EMCN: variants seen among roughly 807,000 people sequenced by gnomAD.
EMCN encodes endomucin, also known as MUC-14.
A neutral mutation model predicts 38.4 loss-of-function variants in EMCN; 37 were observed. The ratio of observed to expected loss-of-function variants is 0.96; its 90% CI spans 0.74 to 1.27. EMCN has a LOEUF of 1.27. Ranked by LOEUF, EMCN falls within the 50% of genes most tolerant of loss-of-function variation. The pLI is 0.00. For missense variants in EMCN, 318 were observed against 302.8 expected, an observed-to-expected ratio of 1.05 and a Z score of -0.37; for synonymous variants, 95 against 100.8, an observed-to-expected ratio of 0.94 and a Z score of 0.35.
At chr4:100,484,171 A>T (rs1728882058) in intron 1 of EMCN, among the ~76,000 whole-genome samples, 1 of 152,130 alleles carries the variant, frequency 6.6e-6, no homozygotes, top group South Asian at 2.1e-4. Context: ...ATTTTTGCTG[A>T]GGTCTTTCCA....
intron 6 of EMCN, 109 bp from the exon 7 acceptor site, chr4:100,423,189 G>T: frequency 7.5e-7 from 1 of 1,331,530 alleles, no homozygotes; most frequent in Non-Finnish European, 1.1e-6. Flanking sequence ...GTATGATGCT[G>T]CAAGTGCAAA....
intron 3 of EMCN, among the ~76,000 whole-genome samples, chr4:100,467,554 C>T (rs1169402427): frequency 4.0e-5 from 6 of 151,534 alleles, no homozygotes; most frequent in Non-Finnish European, 4.4e-5. Flanking sequence ...TGGTGGTGGG[C>T]GCCTGTAGTC....
chr4:100,473,964 C>T (rs1728565603), intron 3 of EMCN: 1 of 152,818 alleles, frequency 6.5e-6, no homozygotes, highest in Non-Finnish European at 1.5e-5. Flanking sequence ...AAGCACTTCC[C>T]AAAGCCAAAC....
At chr4:100,436,266 C>T (rs933848080) in intron 5 of EMCN, among the ~76,000 whole-genome samples, 9 of 151,966 alleles carry the variant, frequency 5.9e-5, no homozygotes, top group African/African-American at 2.2e-4. Context: ...TGAAAAAAAG[C>T]TCATCATTGA....
intron 5 of EMCN, among the ~76,000 whole-genome samples, chr4:100,433,772 G>A (rs902527709): frequency 4.6e-5 from 7 of 152,014 alleles, no homozygotes; most frequent in Non-Finnish European, 1.0e-4. Flanking sequence ...CTGACCTCAG[G>A]TGATCCTCCT....
At chr4:100,442,126 T>C (rs1395480040) in intron 5 of EMCN, among the ~76,000 whole-genome samples, 1 of 152,226 alleles carries the variant, frequency 6.6e-6, no homozygotes, top group East Asian at 1.9e-4. Context: ...GGAACAATTT[T>C]ATTTCCCCAT....
At chr4:100,496,647 T>C (rs1729215273) in intron 1 of EMCN, among the ~76,000 whole-genome samples, 2 of 152,212 alleles carry the variant, frequency 1.3e-5, no homozygotes, top group African/African-American at 4.8e-5. Context: ...TCATTAACTA[T>C]GATGGTTTCA....
chr4:100,433,553 T>A (rs1282266157), intron 5 of EMCN, among the ~76,000 whole-genome samples: 1 of 151,950 alleles, frequency 6.6e-6, no homozygotes, highest in African/African-American at 2.4e-5. Context: ...CTTTTTTTTT[T>A]ATTTGACAGT....
intron 11 of EMCN, among the ~76,000 whole-genome samples, chr4:100,403,176 C>T (rs1726304008): frequency 6.6e-6 from 1 of 152,082 alleles, no homozygotes; most frequent in African/African-American, 2.4e-5. Context: ...ATTTTATCAT[C>T]CATGTAATTG....
chr4:100,397,197 A>T lies in EMCN; in HGVS notation c.*1216T>A, dbSNP rs1168785887. 1 of 152,152 alleles carries T rather than the reference A, an allele frequency of 6.6e-6. No individual in the cohort carries two copies. The highest frequency in any genetic ancestry group is 2.4e-5 in the African/African-American group (1 of 41,454). 9.4% of individuals were successfully genotyped at this position (152,152 alleles called of 1,614,324 possible). On this transcript the variant is annotated 3_prime_UTR_variant, in exon 12 of 12. Coordinates refer to ENST00000296420, the MANE Select transcript of EMCN (RefSeq NM_016242.4). Reference sequence around the variant, plus strand: ...AGATCACTAAGATAATTTAGCATCAAAATCAGCTTAGATAATCATACGTTA... The same window carrying T: ...AGATCACTAAGATAATTTAGCATCATAATCAGCTTAGATAATCATACGTTA...
chr4:100,429,028 G>A (rs1727128455), intron 5 of EMCN, among the ~76,000 whole-genome samples: 1 of 152,096 alleles, frequency 6.6e-6, no homozygotes, highest in South Asian at 2.1e-4. Flanking sequence ...AACTTGAGGA[G>A]CTTAAGCAAT....
chr4:100,478,952 C>A (rs886096169), intron 2 of EMCN, among the ~76,000 whole-genome samples: 1 of 151,948 alleles, frequency 6.6e-6, no homozygotes, highest in Non-Finnish European at 1.5e-5. Context: ...CTATGGAGGG[C>A]CCCAAGTAGT....
chr4:100,496,346 T>G (rs1729206578), intron 1 of EMCN, among the ~76,000 whole-genome samples: 1 of 152,196 alleles, frequency 6.6e-6, no homozygotes, highest in African/African-American at 2.4e-5. Context: ...TTAGCAGCCT[T>G]CTAGGGAGAA....
intron 4 of EMCN, among the ~76,000 whole-genome samples, chr4:100,454,186 AT>A (rs1040867191): frequency 3.3e-5 from 5 of 150,894 alleles, no homozygotes; most frequent in African/African-American, 1.2e-4. Context: ...TAATAAAAAA[AT>A]TAAAAAAATA....
At chr4:100,406,072 G>A (rs1449746001) in intron 11 of EMCN, among the ~76,000 whole-genome samples, 3 of 151,930 alleles carry the variant, frequency 2.0e-5, no homozygotes, top group Admixed American at 2.0e-4. Context: ...TATTTCTGTG[G>A]AGTCAGTGGT....
chr4:100,424,112 A>G (rs1423772447), intron 5 of EMCN, among the ~76,000 whole-genome samples: 2 of 152,150 alleles, frequency 1.3e-5, no homozygotes, highest in Admixed American at 1.3e-4. Context: ...CAAAAATTAT[A>G]AGTAAAAATC....
In EMCN at chr4:100,465,299, G is replaced by A. The variant is rs984146248; in HGVS notation, c.376+124C>T. On this transcript the variant is annotated intron_variant, in intron 4 of 11. Coordinates refer to ENST00000296420, the MANE Select transcript of EMCN (RefSeq NM_016242.4). ...GGCTGCCAAATGATTGTTCTATTGG[G>A]TAGAGATTAAGAGACAATTTAAGCA... The A allele has an allele frequency of 7.0e-6, 4 of 571,330 alleles. No individual in the cohort carries two copies. In the South Asian group the frequency reaches 1.1e-4, roughly 16 times the overall value. 35.4% of individuals were successfully genotyped at this position (571,330 alleles called of 1,614,324 possible). A position where few individuals can be genotyped will look rare whatever the true frequency, so the allele number is the denominator to read the frequency against.
intron 3 of EMCN, among the ~76,000 whole-genome samples, chr4:100,468,328 GA>G (rs1370567065): frequency 3.3e-5 from 5 of 152,074 alleles, no homozygotes; most frequent in African/African-American, 1.2e-4. Flanking sequence ...ATATTTTGAG[GA>G]ATTAAGTTTA....
chr4:100,432,965 T>C (rs1727245022), intron 5 of EMCN, among the ~76,000 whole-genome samples: 1 of 152,146 alleles, frequency 6.6e-6, no homozygotes, highest in African/African-American at 2.4e-5. Context: ...ATTATACACT[T>C]TAGTTGTTTC....
Sources: allele counts gnomAD v4.1 joint callset (sites outside exome capture counted in the v4.1 genomes callset), GRCh38; gene constraint gnomAD v4.1.1; transcripts MANE v1.5; gene names NCBI Gene and HGNC (gene_info 2026-07-23, HGNC 2026-07-21).